Variants in BRIP1 observed in about 807,000 individuals in gnomAD.
BRIP1 encodes the protein Fanconi anemia group J protein.
In BRIP1, 88 loss-of-function variants were observed where a neutral mutation model predicts 119.7. The ratio of observed to expected loss-of-function variants is 0.74; its 90% CI spans 0.62 to 0.88. The LOEUF is 0.88. BRIP1 is among the 40% of genes least tolerant of loss of function. The pLI, the probability that BRIP1 is intolerant of heterozygous loss-of-function variation, is 0.00. For synonymous variants in BRIP1, 443 were observed against 496.5 expected (o/e 0.89, Z 1.43); for missense variants, 1,259 against 1,455.4 (o/e 0.87, Z 2.20).
rs914440335 is a variant in BRIP1, at chr17:61,760,567, T to C, written c.2097+15834A>G. On this transcript the variant is annotated intron_variant, in intron 14 of 19. Transcript: ENST00000259008. This position sits in a 1 kb window ranked among gnomAD's most constrained non-coding sequence, Gnocchi z 4.6. Reference sequence around the variant, plus strand: ...AGATTAACAAGAAAAAAAGAGAATATTCAAATAAAATGAGAAACAAATGAG... The same window carrying C: ...AGATTAACAAGAAAAAAAGAGAATACTCAAATAAAATGAGAAACAAATGAG... Among the ~76,000 whole-genome samples the C allele has an allele frequency of 4.6e-5, 7 of 151,658 alleles. No homozygotes were observed. Among genetic ancestry groups the C allele is most frequent in the African/African-American group, 9.7e-5 (4 of 41,346 alleles).
At position 61,687,477 on chromosome 17, in the gene BRIP1, ATAAAGCAATATTTTCTGCTTT is replaced by A. The variant is rs1370168938; in HGVS notation, c.2576-1333_2576-1313del. On this transcript the variant is annotated intron_variant, in intron 18 of 19. Coordinates refer to ENST00000259008, the MANE Select transcript of BRIP1 (RefSeq NM_032043.3). This position sits in a 1 kb window ranked among gnomAD's most constrained non-coding sequence, Gnocchi z 5.1. ...TACGTGGAAAGGGAAGATAAAACAA[ATAAAGCAATATTTTCTGCTTT>A]ATGTTTTAATATCAAACCAAATACA... 5.3e-5 allele frequency among the ~76,000 whole-genome samples: 8 copies of A among 152,312 alleles called. No homozygotes were observed. Among genetic ancestry groups the A allele is most frequent in the South Asian group, 2.1e-4 (1 of 4,830 alleles).
rs545111295 is a variant in BRIP1, at chr17:61,795,943, T to A, written c.1341-2214A>T. ...TTATTGCCTGTCTTTTGCATAAAAGTCATTTTAACTGGGGTGAGGTGATAT... is the reference window on the plus strand; with the variant it reads ...TTATTGCCTGTCTTTTGCATAAAAGACATTTTAACTGGGGTGAGGTGATAT... On this transcript the variant is annotated intron_variant, in intron 9 of 19. Transcript: ENST00000259008. The surrounding 1 kb of genome is among the most constrained non-coding windows in gnomAD (Gnocchi z 5.6). 1.3e-5 allele frequency among the ~76,000 whole-genome samples: 2 copies of A among 152,134 alleles called. No individual in the cohort carries two copies. Among genetic ancestry groups the A allele is most frequent in the South Asian group, 4.1e-4 (2 of 4,824 alleles).
At chr17:61,773,137 T>C (rs1268346057) in intron 14 of BRIP1, among the ~76,000 whole-genome samples, 5 of 152,046 alleles carry the variant, frequency 3.3e-5, no homozygotes, top group African/African-American at 9.7e-5. Flanking sequence ...CCACACTATA[T>C]ATTTAAAAGC....
At position 61,848,567 on chromosome 17, in the gene BRIP1, C is replaced by G. The variant is rs1013162492; in HGVS notation, c.507+562G>C. Among the ~76,000 whole-genome samples, 17 of 152,266 alleles carry G rather than the reference C, an allele frequency of 1.1e-4. No individual in the cohort carries two copies. The highest frequency in any genetic ancestry group is 4.1e-4 in the African/African-American group (17 of 41,560). On this transcript the variant is annotated intron_variant, in intron 5 of 19. Coordinates refer to ENST00000259008, the MANE Select transcript of BRIP1 (RefSeq NM_032043.3). The surrounding 1 kb of genome is among the most constrained non-coding windows in gnomAD (Gnocchi z 4.3). ...TCTATTAAAATCCCAGCCTTCCTAT[C>G]TCACTGCCATGAATTCTGAGAAAAT...
chr17:61,835,140 G>GC (rs11445602), intron 6 of BRIP1, among the ~76,000 whole-genome samples: 1 of 151,896 alleles, frequency 6.6e-6, no homozygotes, highest in East Asian at 1.9e-4. Flanking sequence ...TTTATATTCA[G>GC]AAAAAAGTTA....
At chr17:61,835,006 C>A (rs1282034457) in intron 6 of BRIP1, among the ~76,000 whole-genome samples, 3 of 152,214 alleles carry the variant, frequency 2.0e-5, no homozygotes, top group African/African-American at 7.2e-5. Flanking sequence ...CATGTGCGCA[C>A]TTAAGAATAG....
At chr17:61,783,948 G>A (rs565145725) in intron 11 of BRIP1, 1 of 208,050 alleles carries the variant, frequency 4.8e-6, no homozygotes, top group Admixed American at 5.5e-5. Flanking sequence ...CTGGGTGTGG[G>A]TGTTGCACAC....
chr17:61,862,562 G>C lies in BRIP1; in HGVS notation c.-31+722C>G, dbSNP rs2078986345. On this transcript the variant is annotated intron_variant, in intron 1 of 19. Coordinates refer to ENST00000259008, the MANE Select transcript of BRIP1 (RefSeq NM_032043.3). This position sits in a 1 kb window ranked among gnomAD's most constrained non-coding sequence, Gnocchi z 5.3. ...TCCACGGATGTAATTCAGAGACAAT[G>C]ACCTCTTGAAATTGCAAGCATAAGT... Among the ~76,000 whole-genome samples, 1 of 152,124 alleles carries C rather than the reference G, an allele frequency of 6.6e-6. No homozygotes were observed. The highest frequency in any genetic ancestry group is 2.4e-5 in the African/African-American group (1 of 41,420).
intron 6 of BRIP1, among the ~76,000 whole-genome samples, chr17:61,830,181 G>A (rs1044537901): frequency 1.3e-5 from 2 of 151,520 alleles, no homozygotes; most frequent in Admixed American, 1.3e-4. Context: ...TGATACGCTC[G>A]CCTCAGCCTC....
At position 61,845,896 on chromosome 17, in the gene BRIP1, C is replaced by G. The variant is rs1169374001; in HGVS notation, c.627+1205G>C. On this transcript the variant is annotated intron_variant, in intron 6 of 19. Coordinates refer to ENST00000259008, the MANE Select transcript of BRIP1 (RefSeq NM_032043.3). This position sits in a 1 kb window ranked among gnomAD's most constrained non-coding sequence, Gnocchi z 4.2. Reference sequence around the variant, plus strand: ...AAATGAAACTGGTTTTTTTTCAAAACTGTGATCTAATGATGCTGGAAAACT... The same window carrying G: ...AAATGAAACTGGTTTTTTTTCAAAAGTGTGATCTAATGATGCTGGAAAACT... Among the ~76,000 whole-genome samples the G allele has an allele frequency of 6.6e-6, 1 of 151,960 alleles. No homozygotes were observed. The highest frequency in any genetic ancestry group is 1.5e-5 in the Non-Finnish European group (1 of 67,984).
Position 61,708,341 on chromosome 17 carries a change from T to C in BRIP1, c.2492+7610A>G, listed in dbSNP as rs764759703. Among the ~76,000 whole-genome samples, 26 of 152,324 alleles carry C rather than the reference T, an allele frequency of 1.7e-4. 1 individual carries two copies. The highest frequency in any genetic ancestry group is 3.4e-3 in the Middle Eastern group (1 of 294). On this transcript the variant is annotated intron_variant, in intron 17 of 19. Transcript: ENST00000259008. The surrounding 1 kb of genome is among the most constrained non-coding windows in gnomAD (Gnocchi z 4.4). Reference sequence around the variant, plus strand: ...TCCCACTCAGGATGTTAATCATCCCTTTGTCCACCATGTCCATGCTGTATA... The same window carrying C: ...TCCCACTCAGGATGTTAATCATCCCCTTGTCCACCATGTCCATGCTGTATA...
intron 6 of BRIP1, among the ~76,000 whole-genome samples, chr17:61,829,318 A>T (rs2078454685): frequency 6.6e-6 from 1 of 152,166 alleles, no homozygotes; most frequent in Non-Finnish European, 1.5e-5. Flanking sequence ...AATAGATCTC[A>T]GAACAAAGAC....
In BRIP1 at chr17:61,748,337, C is replaced by T. The variant is rs1485723748; in HGVS notation, c.2098-3746G>A. On this transcript the variant is annotated intron_variant, in intron 14 of 19. Transcript: ENST00000259008. This position sits in a 1 kb window ranked among gnomAD's most constrained non-coding sequence, Gnocchi z 4.7. ...CCCCCAACCCAGGTCTGTGGAAAAG[C>T]TGTCTTCCACAAAACCAGTCCCTGG... Among the ~76,000 whole-genome samples the T allele has an allele frequency of 6.6e-6, 1 of 152,214 alleles. No homozygotes were observed. Among genetic ancestry groups the T allele is most frequent in the African/African-American group, 2.4e-5 (1 of 41,454 alleles).
rs2078656450 is a variant in BRIP1, at chr17:61,841,491, AATAAG to A, written c.627+5605_627+5609del. 6.6e-6 allele frequency among the ~76,000 whole-genome samples: 1 copy of A among 152,204 alleles called. No homozygotes were observed. The highest frequency in any genetic ancestry group is 2.1e-4 in the South Asian group (1 of 4,830). Reference sequence around the variant, plus strand: ...TCAGGGAAATATAAATCAAAAGCACAATAAGATATCATCTCACTCAGTTAGAATGG... The same window carrying A: ...TCAGGGAAATATAAATCAAAAGCACAATATCATCTCACTCAGTTAGAATGG... On this transcript the variant is annotated intron_variant, in intron 6 of 19. Transcript: ENST00000259008. This position sits in a 1 kb window ranked among gnomAD's most constrained non-coding sequence, Gnocchi z 4.1.
In BRIP1 at chr17:61,846,283, G is replaced by T. The variant is rs1186201222; in HGVS notation, c.627+818C>A. ...GAGAAAGAGAGAGAGAGAGAGGTTG[G>T]AGCCAATACCTTGATTTCTGCTAAG... On this transcript the variant is annotated intron_variant, in intron 6 of 19. Coordinates refer to ENST00000259008, the MANE Select transcript of BRIP1 (RefSeq NM_032043.3). The surrounding 1 kb of genome is among the most constrained non-coding windows in gnomAD (Gnocchi z 4.3). Among the ~76,000 whole-genome samples, 1 of 147,490 alleles carries T rather than the reference G, an allele frequency of 6.8e-6. No individual in the cohort carries two copies. The highest frequency in any genetic ancestry group is 1.5e-5 in the Non-Finnish European group (1 of 65,128).
At position 61,759,273 on chromosome 17, in the gene BRIP1, T is replaced by C. The variant is rs750253380; in HGVS notation, c.2098-14682A>G. Reference sequence around the variant, plus strand: ...TGGAAACCAAAAGAGAGTGGGGTTATCTATACTTACATAAGACAAAATAGA... The same window carrying C: ...TGGAAACCAAAAGAGAGTGGGGTTACCTATACTTACATAAGACAAAATAGA... On this transcript the variant is annotated intron_variant, in intron 14 of 19. Coordinates refer to ENST00000259008, the MANE Select transcript of BRIP1 (RefSeq NM_032043.3). This position sits in a 1 kb window ranked among gnomAD's most constrained non-coding sequence, Gnocchi z 4.9. Among the ~76,000 whole-genome samples, 4 of 152,092 alleles carry C rather than the reference T, an allele frequency of 2.6e-5. No homozygotes were observed. The highest frequency in any genetic ancestry group is 4.4e-5 in the Non-Finnish European group (3 of 68,006).
At position 61,774,803 on chromosome 17, in the gene BRIP1, AGTTATTTCAAT is replaced by A. The variant is rs547001566; in HGVS notation, c.2097+1587_2097+1597del. On this transcript the variant is annotated intron_variant, in intron 14 of 19. Transcript: ENST00000259008. This position sits in a 1 kb window ranked among gnomAD's most constrained non-coding sequence, Gnocchi z 5.8. ...GCTAATATATATACAGTCACTAAAA[AGTTATTTCAAT>A]GTTATAGTCTCTAGTCACCCAATTA... 2.6e-4 allele frequency among the ~76,000 whole-genome samples: 40 copies of A among 152,320 alleles called. No individual in the cohort carries two copies. In the South Asian group the frequency reaches 8.3e-3, roughly 32 times the overall value.
chr17:61,737,051 C>T (rs2076928088), intron 16 of BRIP1, among the ~76,000 whole-genome samples: 1 of 151,594 alleles, frequency 6.6e-6, no homozygotes, highest in Admixed American at 6.6e-5. Flanking sequence ...AGTTATAATC[C>T]CCAAGGTAAA....
intron 6 of BRIP1, among the ~76,000 whole-genome samples, chr17:61,813,951 C>G (rs114108550): frequency 0.011 from 1,730 of 152,170 alleles, 29 homozygotes; most frequent in African/African-American, 0.038. Flanking sequence ...AATGCAATTA[C>G]AAAATATTCC....
Sources: allele counts gnomAD v4.1 joint callset (sites outside exome capture counted in the v4.1 genomes callset), GRCh38; gene constraint gnomAD v4.1.1; non-coding constraint Gnocchi (gnomAD v3.1); transcripts MANE v1.5; gene names NCBI Gene and HGNC (gene_info 2026-07-23, HGNC 2026-07-21).